Variants in LRIG3 observed in about 807,000 individuals in gnomAD.
LRIG3 encodes leucine rich repeats and immunoglobulin like domains 3, also known as leucine-rich repeats and immunoglobulin-like domains protein 3.
LRIG3 carries 76 observed loss-of-function variants against 114.5 expected under a neutral mutation model. The ratio of observed to expected loss-of-function variants is 0.66; its 90% CI spans 0.55 to 0.80. The LOEUF (loss-of-function observed/expected upper bound fraction) is 0.80. Ranked by LOEUF, LRIG3 falls within the 30% of genes least tolerant of loss-of-function variation. The probability of loss-of-function intolerance (pLI) is 0.00; values close to 1 mark genes in which losing one functional copy is unlikely to be tolerated. For synonymous variants in LRIG3, 512 were observed against 519.8 expected (o/e 0.98, Z 0.20); for missense variants, 1,239 against 1,382.8 (o/e 0.90, Z 1.65).
In LRIG3 at chr12:58,888,453, G is replaced by C; in HGVS notation, c.823C>G (p.Leu275Val). ...AGCCAGCCTTTGGTAATCTCTGTTA[G>C]GTTGTTATGGTCCAGCTGCCTACAT... ...MEILQLDHNN[L>V]TEITKGWLYG... The change falls in exon 7 of 19, where the codon CTA (leucine) becomes GTA (valine). Residue 275 changes from leucine to valine, a missense_variant. Transcript: ENST00000320743. The C allele has an allele frequency of 6.2e-7, 1 of 1,613,696 alleles. No homozygotes were observed. Among genetic ancestry groups the C allele is most frequent in the Non-Finnish European group, 8.5e-7 (1 of 1,179,754 alleles).
chr12:58,878,420 A>C (rs946549841), intron 14 of LRIG3, among the ~76,000 whole-genome samples: 1 of 152,172 alleles, frequency 6.6e-6, no homozygotes, highest in Non-Finnish European at 1.5e-5. Context: ...TGACTTCCGG[A>C]GAGGTATGGT....
intron 11 of LRIG3, 94 bp from the exon 12 acceptor site, chr12:58,883,126 T>G: frequency 7.9e-7 from 1 of 1,268,374 alleles, no homozygotes; most frequent in Non-Finnish European, 1.1e-6. Flanking sequence ...AGCAATGAAT[T>G]TGGAAACTGA....
chr12:58,877,697 C>T lies in LRIG3; in HGVS notation c.2239G>A (p.Ala747Thr). The T allele has an allele frequency of 1.2e-6, 2 of 1,614,144 alleles. No homozygotes were observed. The highest frequency in any genetic ancestry group is 1.7e-5 in the Admixed American group (1 of 60,028). The change falls in exon 15 of 19, where the codon GCA (alanine) becomes ACA (threonine). Residue 747 changes from alanine (A) to threonine (T), a missense_variant. By Grantham distance (58) the Ala-to-Thr change is moderately conservative. Coordinates refer to ENST00000320743, the MANE Select transcript of LRIG3 (RefSeq NM_153377.5). ...LVVTERHFFAAGNQLLIIVDS... is the reference protein window; with the variant it reads ...LVVTERHFFATGNQLLIIVDS... ...ACAATAATCAGAAGCTGATTGCCTGCTGCAAAAAAGTGCCTCTCGGTTACC... is the reference window on the plus strand; with the variant it reads ...ACAATAATCAGAAGCTGATTGCCTGTTGCAAAAAAGTGCCTCTCGGTTACC...
Position 58,920,225 on chromosome 12 carries a change from G to T in LRIG3, c.11C>A (p.Pro4Gln), listed in dbSNP as rs1240389651. 7.2e-7 allele frequency: 1 copy of T among 1,385,650 alleles called. No homozygotes were observed. Among genetic ancestry groups the T allele is most frequent in the Non-Finnish European group, 9.3e-7 (1 of 1,080,208 alleles). The allele number at this position is 1,385,650 out of a possible 1,614,324, so 85.8% of individuals were successfully genotyped here. A position where few individuals can be genotyped will look rare whatever the true frequency, so the allele number is the denominator to read the frequency against. ...CCCCGCGGCGCGCGCACGGAGGCTC[G>T]GCGCGCTCATCGCGGTCCAGCGGCC... MSA[P>Q]SLRARAAGLG... is the part of the protein sequence containing the mutation. Residue 4 changes from proline (P) to glutamine (Q), a missense_variant, in exon 1 of 19, where the codon CCG becomes CAG. Coordinates refer to ENST00000320743, the MANE Select transcript of LRIG3 (RefSeq NM_153377.5).
At chr12:58,888,307 G>T in intron 7 of LRIG3, 22 bp downstream of exon 7, 2 of 1,608,102 alleles carry the variant, frequency 1.2e-6, no homozygotes, top group Non-Finnish European at 1.7e-6. Flanking sequence ...AACCTGAGGA[G>T]AATAAATAAA....
At chr12:58,905,644 G>A (rs1320363190) in intron 3 of LRIG3, among the ~76,000 whole-genome samples, 3 of 152,108 alleles carry the variant, frequency 2.0e-5, no homozygotes, top group Non-Finnish European at 2.9e-5. Context: ...CTCTACCCTC[G>A]TGAATGGATT....
At chr12:58,891,655 T>G (rs1245556284) in intron 3 of LRIG3, among the ~76,000 whole-genome samples, 1 of 152,080 alleles carries the variant, frequency 6.6e-6, no homozygotes, top group Non-Finnish European at 1.5e-5. Context: ...AAATAGCAAG[T>G]TTCAAGGCAC....
intron 3 of LRIG3, among the ~76,000 whole-genome samples, chr12:58,898,412 T>C (rs923354702): frequency 2.0e-5 from 3 of 152,172 alleles, no homozygotes; most frequent in East Asian, 3.9e-4. Context: ...AACTGCATCA[T>C]GTAAATACTG....
chr12:58,911,207 A>C (rs1872262433), intron 3 of LRIG3, among the ~76,000 whole-genome samples: 1 of 152,192 alleles, frequency 6.6e-6, no homozygotes, highest in Admixed American at 6.5e-5. Flanking sequence ...GATTCCTATC[A>C]TCCCAGATTC....
chr12:58,889,707 T>C (rs1871388542), intron 5 of LRIG3, among the ~76,000 whole-genome samples: 1 of 152,048 alleles, frequency 6.6e-6, no homozygotes, highest in African/African-American at 2.4e-5. Flanking sequence ...AGACCTCGGA[T>C]TTTTTCAGTG....
At chr12:58,888,544 T>C (rs1871350360) in intron 6 of LRIG3, 72 bp from the exon 7 acceptor site, 1 of 1,543,014 alleles carries the variant, frequency 6.5e-7, no homozygotes, top group African/African-American at 1.4e-5. Context: ...GGACATATGA[T>C]TACAACCTAT....
intron 3 of LRIG3, among the ~76,000 whole-genome samples, chr12:58,900,785 ACG>A (rs1871817941): frequency 6.6e-6 from 1 of 152,248 alleles, no homozygotes; most frequent in South Asian, 2.1e-4. Context: ...ACACAGACCA[ACG>A]GACCAGAATG....
Position 58,872,463 on chromosome 12 carries a change from T to C in LRIG3, c.*109A>G. ...TTCATCTGTATAAATAAAGCATTTT[T>C]ATCCTTTTAAAATTCATAACTCCAT... On this transcript the variant is annotated 3_prime_UTR_variant, in exon 19 of 19. Transcript: ENST00000320743. 1 of 1,277,648 alleles carries C rather than the reference T, an allele frequency of 7.8e-7. No homozygotes were observed. The highest frequency in any genetic ancestry group is 1.5e-5 in the African/African-American group (1 of 67,056). The allele number at this position is 1,277,648 out of a possible 1,614,324, so 79.1% of individuals were successfully genotyped here.
At chr12:58,916,192 TC>T in intron 1 of LRIG3, among the ~76,000 whole-genome samples, 1 of 152,266 alleles carries the variant, frequency 6.6e-6, no homozygotes, top group South Asian at 2.1e-4. Context: ...ATAAGATTCC[TC>T]CTACAAAAGA....
At chr12:58,883,729 C>A (rs1871188359) in intron 10 of LRIG3, 138 bp from the exon 11 acceptor site, 1 of 474,932 alleles carries the variant, frequency 2.1e-6, no homozygotes, top group African/African-American at 1.9e-5. Flanking sequence ...ACTGGGGCAG[C>A]CCCAGAAGAA....
intron 6 of LRIG3, 54 bp downstream of exon 6, chr12:58,888,765 T>A: frequency 6.3e-7 from 1 of 1,588,974 alleles, no homozygotes; most frequent in Non-Finnish European, 8.6e-7. Flanking sequence ...GAATGTACAC[T>A]GAGCATTCTA....
intron 16 of LRIG3, among the ~76,000 whole-genome samples, chr12:58,875,640 C>A (rs775007267): frequency 6.6e-5 from 10 of 152,220 alleles, no homozygotes; most frequent in Admixed American, 2.6e-4. Flanking sequence ...CCCCACAGTA[C>A]ATGCAGTAAG....
Position 58,888,968 on chromosome 12 carries a change from T to C in LRIG3, c.660-6A>G, listed in dbSNP as rs1565617329. The C allele has an allele frequency of 1.9e-6, 3 of 1,612,340 alleles. No homozygotes were observed. Among genetic ancestry groups the C allele is most frequent in the East Asian group, 2.2e-5 (1 of 44,862 alleles). ...TCTTGTTTCGGTTCAATTCGCTGCA[T>C]TGAGTATTACAAGAGTTAGCTTATA... On this transcript the variant is annotated splice_polypyrimidine_tract_variant and splice_region_variant and intron_variant, in intron 5 of 18. Coordinates refer to ENST00000320743, the MANE Select transcript of LRIG3 (RefSeq NM_153377.5).
chr12:58,889,725 G>A (rs1159510775), intron 5 of LRIG3, among the ~76,000 whole-genome samples: 1 of 151,986 alleles, frequency 6.6e-6, no homozygotes, highest in East Asian at 1.9e-4. Flanking sequence ...GTGCCACAAT[G>A]GCACTTTTGT....
Sources: allele counts gnomAD v4.1 joint callset (sites outside exome capture counted in the v4.1 genomes callset), GRCh38; gene constraint gnomAD v4.1.1; transcripts MANE v1.5; gene names NCBI Gene and HGNC (gene_info 2026-07-23, HGNC 2026-07-21).